The following RUFY1 variants were observed in gnomAD, a reference collection of about 807,000 sequenced individuals.
The protein encoded by RUFY1 is RUN and FYVE domain-containing protein 1.
Under a neutral mutation model 94.6 loss-of-function variants are expected in RUFY1, and 54 were observed. The ratio of observed to expected loss-of-function variants is 0.57; its 90% CI spans 0.46 to 0.72. The LOEUF is 0.72. Ranked by LOEUF, RUFY1 falls within the 30% of genes least tolerant of loss-of-function variation. The pLI is 0.00. For missense variants in RUFY1, 883 were observed against 883.9 expected (o/e 1.00, Z 0.01); for synonymous variants, 396 against 347.3 (o/e 1.14, Z -1.56).
At chr5:179,595,557 T>G (rs1292879683) in intron 12 of RUFY1, among the ~76,000 whole-genome samples, 1 of 151,400 alleles carries the variant, frequency 6.6e-6, no homozygotes, top group East Asian at 1.9e-4. Flanking sequence ...GTTCTTGTTT[T>G]TTTTTTTTTT....
intron 10 of RUFY1, among the ~76,000 whole-genome samples, chr5:179,592,126 G>A (rs1211059225): frequency 6.8e-6 from 1 of 147,538 alleles, no homozygotes; most frequent in Admixed American, 6.8e-5. Context: ...TTGGTTTTTG[G>A]TTTTTTTTTT....
chr5:179,577,155 G>A lies in RUFY1; in HGVS notation c.890+19G>A. On this transcript the variant is annotated intron_variant, in intron 6 of 17. Coordinates refer to ENST00000319449, the MANE Select transcript of RUFY1 (RefSeq NM_025158.5). ...GCAAGGAGTAAGTACTGCGTTGTAT[G>A]TCACTTTTTTTTTTTTTTTTTTTTT... is the stretch of plus-strand genomic sequence containing the variant. The A allele has an allele frequency of 4.9e-6, 2 of 405,316 alleles. No individual in the cohort carries two copies. The highest frequency in any genetic ancestry group is 8.9e-6 in the Non-Finnish European group (2 of 225,798). 25.1% of individuals were successfully genotyped at this position (405,316 alleles called of 1,614,324 possible).
intron 1 of RUFY1, chr5:179,559,654 G>C (rs1007771663): frequency 2.9e-6 from 3 of 1,017,890 alleles, no homozygotes; most frequent in East Asian, 2.0e-4. Flanking sequence ...TAAGAGCTTG[G>C]GGCAGGGCTT....
chr5:179,577,830 C>T (rs1296821189), intron 6 of RUFY1, among the ~76,000 whole-genome samples: 1 of 138,576 alleles, frequency 7.2e-6, no homozygotes. Flanking sequence ...CCCCGCCTGC[C>T]GAACGGGTAA....
At chr5:179,571,882 A>G (rs1343846707) in intron 5 of RUFY1, among the ~76,000 whole-genome samples, 2 of 150,996 alleles carry the variant, frequency 1.3e-5, no homozygotes, top group African/African-American at 4.9e-5. Context: ...TCTTTATTAA[A>G]GACTAAGCAC....
At chr5:179,589,738 CT>C in intron 9 of RUFY1, 91 bp downstream of exon 9, 1 of 985,080 alleles carries the variant, frequency 1.0e-6, no homozygotes, top group Non-Finnish European at 1.6e-6. Flanking sequence ...ACAACCCAGT[CT>C]TCAGAATGCA....
At chr5:179,596,948 C>T (rs1281337555) in intron 13 of RUFY1, 3 of 413,608 alleles carry the variant, frequency 7.3e-6, no homozygotes, top group Non-Finnish European at 1.3e-5. Flanking sequence ...CTGTATCACC[C>T]TTAACCACCC....
chr5:179,564,443 A>T (rs1651342884), intron 3 of RUFY1, among the ~76,000 whole-genome samples: 1 of 136,042 alleles, frequency 7.4e-6, no homozygotes, highest in African/African-American at 2.8e-5. Flanking sequence ...TTTTTTTTTA[A>T]GACAGTCTCT....
chr5:179,575,337 CTCTCTCCTCGTCTG>C lies in RUFY1; in HGVS notation c.829-1734_829-1721del, dbSNP rs139324025. ...GGGGCTGAAATCACCTGAAGACTTG[CTCTCTCCTCGTCTG>C]TCTGCTGTGCTGAGAAGACCAAGGA... On this transcript the variant is annotated intron_variant, in intron 5 of 17. Transcript: ENST00000319449. 1.0e-3 allele frequency among the ~76,000 whole-genome samples: 156 copies of C among 152,210 alleles called. 1 individual carries two copies. The highest frequency in any genetic ancestry group is 3.6e-3 in the African/African-American group (149 of 41,534).
intron 5 of RUFY1, among the ~76,000 whole-genome samples, chr5:179,575,061 C>G (rs750026059): frequency 2.1e-4 from 29 of 136,922 alleles, no homozygotes; most frequent in Middle Eastern, 3.4e-3. Flanking sequence ...AGTCCTCCTC[C>G]CTTTCCCACA....
Position 179,550,731 on chromosome 5 carries a change from G to A in RUFY1, c.162G>A (p.Thr54=). The change falls in exon 1 of 18, where the codon ACG becomes ACA. Residue 54 remains threonine (T), a synonymous_variant. Transcript: ENST00000319449. ...LPGPGDLRSA[T]RPRAAEGWSA... is the part of the protein sequence containing the mutation. ...GCCCAGGCGACCTGCGGAGCGCAAC[G>A]AGGCCGCGGGCGGCCGAGGGCTGGT... 2 of 1,472,260 alleles carry A rather than the reference G, an allele frequency of 1.4e-6. No homozygotes were observed. The highest frequency in any genetic ancestry group is 1.8e-6 in the Non-Finnish European group (2 of 1,115,066). The allele number at this position is 1,472,260 out of a possible 1,614,324, so 91.2% of individuals were successfully genotyped here.
intron 5 of RUFY1, chr5:179,572,530 C>A: frequency 4.7e-6 from 1 of 214,800 alleles, no homozygotes; most frequent in East Asian, 1.4e-4. Context: ...ATTGCCTACC[C>A]TGCCTCTTTA....
At chr5:179,560,559 A>AC (rs1177194074) in intron 2 of RUFY1, among the ~76,000 whole-genome samples, 1 of 151,158 alleles carries the variant, frequency 6.6e-6, no homozygotes, top group Non-Finnish European at 1.5e-5. Flanking sequence ...CTCTACTAAA[A>AC]AAAAAAAATA....
rs1330599214 is a variant in RUFY1 at position 179,569,517 on chromosome 5, C to T, written c.828+92C>T. On this transcript the variant is annotated intron_variant, in intron 5 of 17. Coordinates refer to ENST00000319449, the MANE Select transcript of RUFY1 (RefSeq NM_025158.5). ...AACAGGTACTGAACCCAAAGAAGGG[C>T]AAATGGCAAAGAGCCCACTGGTAGA... 3.5e-5 allele frequency: 46 copies of T among 1,330,570 alleles called. No homozygotes were observed. In the East Asian group the frequency reaches 1.1e-3, roughly 31 times the overall value. 82.4% of individuals were successfully genotyped at this position (1,330,570 alleles called of 1,614,324 possible). A position where few individuals can be genotyped will look rare whatever the true frequency, so the allele number is the denominator to read the frequency against.
intron 8 of RUFY1, chr5:179,586,391 A>G (rs1402493925): frequency 2.2e-6 from 1 of 456,742 alleles, no homozygotes; most frequent in Admixed American, 2.3e-5. Context: ...GCTTGCTGCC[A>G]GCTGCCCGGC....
At chr5:179,573,793 A>AT (rs1763405661) in intron 5 of RUFY1, among the ~76,000 whole-genome samples, 1 of 152,128 alleles carries the variant, frequency 6.6e-6, no homozygotes, top group Admixed American at 6.5e-5. Flanking sequence ...AAGTGCTGGG[A>AT]TTACAGGCGT....
At chr5:179,560,505 G>A (rs1561963044) in intron 2 of RUFY1, among the ~76,000 whole-genome samples, 1 of 151,388 alleles carries the variant, frequency 6.6e-6, no homozygotes, top group Non-Finnish European at 1.5e-5. Context: ...GGATCACGAG[G>A]TCAGGATATC....
chr5:179,591,375 G>T (rs554779443), intron 9 of RUFY1, among the ~76,000 whole-genome samples: 1 of 150,744 alleles, frequency 6.6e-6, no homozygotes, highest in South Asian at 2.1e-4. Flanking sequence ...TAGTAGAGAC[G>T]GGGTTTCACC....
intron 1 of RUFY1, among the ~76,000 whole-genome samples, chr5:179,551,861 T>A (rs1052920204): frequency 6.6e-6 from 1 of 151,500 alleles, no homozygotes; most frequent in Non-Finnish European, 1.5e-5. Context: ...TACTTTTAAA[T>A]TGAATTAAAA....
Sources: allele counts gnomAD v4.1 joint callset (sites outside exome capture counted in the v4.1 genomes callset), GRCh38; gene constraint gnomAD v4.1.1; transcripts MANE v1.5; gene names NCBI Gene and HGNC (gene_info 2026-07-23, HGNC 2026-07-21).